Variants in MSRA observed in about 807,000 individuals in gnomAD.
The protein encoded by MSRA is methionine sulfoxide reductase A, also known as mitochondrial peptide methionine sulfoxide reductase.
MSRA carries 54 observed loss-of-function variants against 31.3 expected under a neutral mutation model. The observed-to-expected ratio is 1.73, with a 90% CI of 1.39 to 2.17. The LOEUF (loss-of-function observed/expected upper bound fraction) is 2.17. Among genes scored for constraint, MSRA ranks in the 30% most tolerant of loss-of-function variants. The pLI, the probability that MSRA is intolerant of heterozygous loss-of-function variation, is 0.00. For synonymous variants in MSRA, 169 were observed against 116.5 expected, an observed-to-expected ratio of 1.45 and a Z score of -2.90; for missense variants, 507 against 300.9, an observed-to-expected ratio of 1.69 and a Z score of -5.07.
At chr8:10,283,840 C>T (rs62490317) in intron 3 of MSRA, among the ~76,000 whole-genome samples, 14,388 of 65,388 alleles carry the variant, frequency 0.22, 1,429 homozygotes, top group East Asian at 0.27. Context: ...TATATATACA[C>T]ACACACACAC....
At chr8:10,332,757 G>C (rs910890472) in intron 5 of MSRA, among the ~76,000 whole-genome samples, 2 of 152,142 alleles carry the variant, frequency 1.3e-5, no homozygotes, top group African/African-American at 2.4e-5. Flanking sequence ...ACTGTATTTA[G>C]AAATCTCTGT....
intron 1 of MSRA, among the ~76,000 whole-genome samples, chr8:10,111,136 A>G (rs950279685): frequency 6.6e-6 from 1 of 152,122 alleles, no homozygotes; most frequent in Non-Finnish European, 1.5e-5. Flanking sequence ...TTATCCAGGG[A>G]CGGGGTGGAT....
intron 1 of MSRA, among the ~76,000 whole-genome samples, chr8:10,191,691 G>A (rs1190654530): frequency 6.6e-6 from 1 of 151,946 alleles, no homozygotes; most frequent in East Asian, 1.9e-4. Context: ...TGTTCTAGGG[G>A]TCGATTTGTA....
At chr8:10,390,607 G>C (rs1413710877) in intron 5 of MSRA, among the ~76,000 whole-genome samples, 1 of 152,132 alleles carries the variant, frequency 6.6e-6, no homozygotes, top group South Asian at 2.1e-4. Context: ...GCATTTTTTC[G>C]AGGTTTATCA....
chr8:10,185,203 G>A (rs967848001), intron 1 of MSRA, among the ~76,000 whole-genome samples: 1 of 152,294 alleles, frequency 6.6e-6, no homozygotes, highest in Non-Finnish European at 1.5e-5. Flanking sequence ...TGGTGACTGA[G>A]GGACAGCTGT....
chr8:10,169,652 T>C (rs974262607), intron 1 of MSRA, among the ~76,000 whole-genome samples: 1 of 152,204 alleles, frequency 6.6e-6, no homozygotes, highest in African/African-American at 2.4e-5. Context: ...TTCAAAAACA[T>C]TGTTCAGAAA....
intron 1 of MSRA, among the ~76,000 whole-genome samples, chr8:10,177,410 A>G (rs958780347): frequency 4.6e-5 from 7 of 152,186 alleles, no homozygotes; most frequent in Non-Finnish European, 8.8e-5. Context: ...CCTAGAGTCG[A>G]TTGCTTTTTA....
At chr8:10,128,007 G>T (rs1055801510) in intron 1 of MSRA, among the ~76,000 whole-genome samples, 2 of 151,974 alleles carry the variant, frequency 1.3e-5, no homozygotes, top group Non-Finnish European at 2.9e-5. Flanking sequence ...TGTGACCGTG[G>T]TGCATTTCCA....
chr8:10,394,240 T>C (rs1806950143), intron 5 of MSRA, among the ~76,000 whole-genome samples: 2 of 152,228 alleles, frequency 1.3e-5, no homozygotes, highest in Admixed American at 1.3e-4. Flanking sequence ...GTTAATACTA[T>C]GCATCTGTAC....
chr8:10,219,160 G>C (rs1810262529), intron 2 of MSRA, among the ~76,000 whole-genome samples: 1 of 152,218 alleles, frequency 6.6e-6, no homozygotes, highest in African/African-American at 2.4e-5. Flanking sequence ...AAGCAGTCAA[G>C]AAATTACAAA....
At chr8:10,343,667 G>C (rs1183922702) in intron 5 of MSRA, among the ~76,000 whole-genome samples, 1 of 152,158 alleles carries the variant, frequency 6.6e-6, no homozygotes, top group African/African-American at 2.4e-5. Context: ...TGTAAAGGGT[G>C]CTGGGGGGTC....
At chr8:10,331,405 T>C (rs1313190283) in intron 5 of MSRA, among the ~76,000 whole-genome samples, 2 of 152,214 alleles carry the variant, frequency 1.3e-5, no homozygotes. Context: ...CAGTGGAATG[T>C]TGTACGGCTT....
intron 3 of MSRA, among the ~76,000 whole-genome samples, chr8:10,298,541 C>G (rs374868932): frequency 3.3e-5 from 5 of 151,916 alleles, no homozygotes; most frequent in African/African-American, 1.2e-4. Flanking sequence ...GTTCTGGAGC[C>G]GGATGATTAG....
At chr8:10,323,568 T>C (rs1802179773) in intron 5 of MSRA, among the ~76,000 whole-genome samples, 1 of 152,208 alleles carries the variant, frequency 6.6e-6, no homozygotes, top group Non-Finnish European at 1.5e-5. Context: ...CCCACGTTGA[T>C]TTTAGATAAA....
chr8:10,307,891 C>G (rs563988077), intron 4 of MSRA, among the ~76,000 whole-genome samples: 1 of 152,320 alleles, frequency 6.6e-6, no homozygotes, highest in African/African-American at 2.4e-5. Flanking sequence ...CCTGAGACAC[C>G]TTAGAGCTAA....
intron 4 of MSRA, among the ~76,000 whole-genome samples, chr8:10,306,794 C>T (rs1253533728): frequency 6.6e-6 from 1 of 152,156 alleles, no homozygotes; most frequent in Non-Finnish European, 1.5e-5. Flanking sequence ...GCCACAGGTA[C>T]ACCAGGCAGA....
At position 10,338,815 on chromosome 8, in the gene MSRA, T is replaced by G. The variant is rs759295321; in HGVS notation, c.543+18826T>G. On this transcript the variant is annotated intron_variant, in intron 5 of 5. Transcript: ENST00000317173. ...ACTTCAGACAAATAATTTCCTAACC[T>G]GCAAAACTGAGCTAGCAACCCTTGC... Among the ~76,000 whole-genome samples the G allele has an allele frequency of 5.3e-5, 8 of 152,324 alleles. No individual in the cohort carries two copies. The East Asian group carries it at 1.5e-3, about 29-fold the overall frequency.
chr8:10,418,058 C>T (rs1343593612), intron 5 of MSRA, among the ~76,000 whole-genome samples: 1 of 152,142 alleles, frequency 6.6e-6, no homozygotes, highest in African/African-American at 2.4e-5. Context: ...TTCCGATGGG[C>T]TCAGGGTCAT....
At chr8:10,287,722 T>A (rs1800012561) in intron 3 of MSRA, among the ~76,000 whole-genome samples, 1 of 152,128 alleles carries the variant, frequency 6.6e-6, no homozygotes, top group African/African-American at 2.4e-5. Flanking sequence ...ATGCTCTCCA[T>A]TTTTGTTTCA....
Sources: gnomAD v4.1 joint callset for allele counts (sites outside exome capture counted in the v4.1 genomes callset) on GRCh38, gnomAD v4.1.1 for gene constraint, MANE v1.5 for transcripts, NCBI Gene and HGNC (gene_info 2026-07-23, HGNC 2026-07-21) for gene names.